Variants in SNRPN observed in about 807,000 individuals in gnomAD.
The protein encoded by SNRPN is small nuclear ribonucleoprotein polypeptide N.
A neutral mutation model predicts 25.2 loss-of-function variants in SNRPN; 7 were observed. The ratio of observed to expected loss-of-function variants is 0.28; its 90% CI spans 0.16 to 0.52. SNRPN has a LOEUF of 0.52. Among genes scored for constraint, SNRPN ranks in the 20% least tolerant of loss-of-function variants. The pLI, the probability that SNRPN is intolerant of heterozygous loss-of-function variation, is 0.96. For synonymous variants in SNRPN, 124 were observed against 110.6 expected (o/e 1.12, Z -0.76); for missense variants, 196 against 322.5 (o/e 0.61, Z 3.00).
chr15:24,978,678 C>CA lies in SNRPN; in HGVS notation c.*235dup, dbSNP rs1596357230. On this transcript the variant is annotated 3_prime_UTR_variant, in exon 10 of 10. Coordinates refer to ENST00000390687, the MANE Select transcript of SNRPN (RefSeq NM_003097.6). ...TGCCTATTAAGCAGTTGATTCAAAT[C>CA]ATATTCTCTTTAATTCTTAGGATAA... The CA allele has an allele frequency of 1.8e-6, 1 of 564,534 alleles. No homozygotes were observed. The highest frequency in any genetic ancestry group is 2.9e-5 in the East Asian group (1 of 34,518). The allele number at this position is 564,534 out of a possible 1,614,324, so 35.0% of individuals were successfully genotyped here. A position where few individuals can be genotyped will look rare whatever the true frequency, so the allele number is the denominator to read the frequency against.
At chr15:24,828,516 C>A (rs1425290300) in intron 1 of SNRPN, among the ~76,000 whole-genome samples, 1 of 151,990 alleles carries the variant, frequency 6.6e-6, no homozygotes, top group Non-Finnish European at 1.5e-5. Context: ...CACTGCACTC[C>A]AGCCTGGGCG....
At chr15:24,882,585 G>C (rs990803100) in intron 1 of SNRPN, among the ~76,000 whole-genome samples, 1 of 151,984 alleles carries the variant, frequency 6.6e-6, no homozygotes, top group African/African-American at 2.4e-5. Flanking sequence ...CCAGCACTTT[G>C]GGAGGCTGAG....
intron 2 of SNRPN, chr15:24,850,627 A>G (rs2052732812): frequency 1.3e-5 from 2 of 152,368 alleles, no homozygotes; most frequent in East Asian, 1.9e-4. Flanking sequence ...AGGGAGCTCT[A>G]TTAATGGAGC....
At chr15:24,939,514 C>A (rs1253668270) in intron 3 of SNRPN, among the ~76,000 whole-genome samples, 1 of 152,146 alleles carries the variant, frequency 6.6e-6, no homozygotes, top group African/African-American at 2.4e-5. Flanking sequence ...CTCACTGCAA[C>A]CTCCGTCTCC....
At chr15:24,907,077 C>T (rs764941751) in intron 2 of SNRPN, among the ~76,000 whole-genome samples, 6 of 151,992 alleles carry the variant, frequency 3.9e-5, no homozygotes, top group Non-Finnish European at 7.4e-5. Flanking sequence ...GTTGGCAAAG[C>T]ATATCGTAAG....
rs376058438 is a variant in SNRPN at position 24,978,457 on chromosome 15, C to G, written c.*13C>G. ...ACCAAGACCTTAGCATACTGTTGAT[C>G]CATCTCAGTCACTTTTTCCCCTGCA... On this transcript the variant is annotated 3_prime_UTR_variant, in exon 10 of 10. Coordinates refer to ENST00000390687, the MANE Select transcript of SNRPN (RefSeq NM_003097.6). The G allele has an allele frequency of 6.2e-7, 1 of 1,611,560 alleles. No individual in the cohort carries two copies. The highest frequency in any genetic ancestry group is 1.1e-5 in the South Asian group (1 of 90,998).
chr15:24,904,833 C>T (rs903823571), intron 2 of SNRPN, among the ~76,000 whole-genome samples: 2 of 151,328 alleles, frequency 1.3e-5, no homozygotes, highest in Admixed American at 1.3e-4. Flanking sequence ...GCATCAGCTA[C>T]TCTTGAGGCT....
chr15:24,837,642 T>C (rs2051327588), intron 2 of SNRPN, among the ~76,000 whole-genome samples: 1 of 151,990 alleles, frequency 6.6e-6, no homozygotes, highest in Non-Finnish European at 1.5e-5. Context: ...GTGCTGGGAT[T>C]ACAGGCGTGA....
At chr15:24,968,609 A>G (rs2153590170) in intron 3 of SNRPN, among the ~76,000 whole-genome samples, 1 of 152,302 alleles carries the variant, frequency 6.6e-6, no homozygotes, top group African/African-American at 2.4e-5. Context: ...GTTACAACAT[A>G]CTTTCACAGC....
rs2052387948 is a variant in SNRPN at position 24,848,215 on chromosome 15, G to A, written c.-579+18310G>A. The A allele has an allele frequency of 4.3e-5, 6 of 140,320 alleles. No individual in the cohort carries two copies. The South Asian group carries it at 1.2e-3, about 27-fold the overall frequency. 8.7% of individuals were successfully genotyped at this position (140,320 alleles called of 1,614,324 possible). A position where few individuals can be genotyped will look rare whatever the true frequency, so the allele number is the denominator to read the frequency against. ...TGGGAAGGTCACAGGACGGAGCTGGGGGGCGGGGGCGGCGGTGGGGGCGGG... is the reference window on the plus strand; with the variant it reads ...TGGGAAGGTCACAGGACGGAGCTGGAGGGCGGGGGCGGCGGTGGGGGCGGG... On this transcript the variant is annotated intron_variant, in intron 2 of 12. Transcript: ENST00000400100.
chr15:24,975,443 C>T lies in SNRPN; in HGVS notation c.89C>T (p.Thr30Ile). ...ILQDGRIFIG[T>I]FKAFDKHMNL... ...CAAGATGGCCGAATCTTCATTGGCA[C>T]CTTTAAGGCTTTTGACAAGCATATG... The change falls in exon 5 of 10, where the codon ACC (threonine) becomes ATC (isoleucine). Residue 30 changes from threonine to isoleucine, a missense_variant. Coordinates refer to ENST00000390687, the MANE Select transcript of SNRPN (RefSeq NM_003097.6). 6.2e-7 allele frequency: 1 copy of T among 1,613,360 alleles called. No homozygotes were observed. Among genetic ancestry groups the T allele is most frequent in the Non-Finnish European group, 8.5e-7 (1 of 1,179,400 alleles).
chr15:24,852,824 G>A (rs571795870), upstream of SNRPN, among the ~76,000 whole-genome samples: 45 of 152,264 alleles, frequency 3.0e-4, no homozygotes, highest in Admixed American at 5.2e-4. Flanking sequence ...TACTCGGGAG[G>A]CTGAGGTGGG....
At chr15:24,835,285 C>T (rs2051065764) in intron 2 of SNRPN, among the ~76,000 whole-genome samples, 1 of 151,004 alleles carries the variant, frequency 6.6e-6, no homozygotes, top group East Asian at 1.9e-4. Context: ...GACTACATTA[C>T]TTTAGTATGT....
chr15:24,875,235 C>T (rs2055737079), intron 1 of SNRPN, among the ~76,000 whole-genome samples: 1 of 152,128 alleles, frequency 6.6e-6, no homozygotes, highest in Non-Finnish European at 1.5e-5. Context: ...GGCAATATTA[C>T]CACTCCCAAG....
chr15:24,840,818 G>A (rs973993846), intron 2 of SNRPN, among the ~76,000 whole-genome samples: 6 of 152,070 alleles, frequency 3.9e-5, no homozygotes, highest in African/African-American at 1.4e-4. Context: ...CAGCTAAACT[G>A]GGCTGTTACA....
At position 24,865,842 on chromosome 15, in the gene SNRPN, C is replaced by T. The variant is rs74005378; in HGVS notation, c.-579+9126C>T. On this transcript the variant is annotated intron_variant, in intron 1 of 11. Coordinates refer to the SNRPN transcript ENST00000400097. ...AAACTGCAAAAGAGACAGATGATAACGAGGCATGTCCCACTTCCTGTCCCA... is the reference window on the plus strand; with the variant it reads ...AAACTGCAAAAGAGACAGATGATAATGAGGCATGTCCCACTTCCTGTCCCA... Among the ~76,000 whole-genome samples, 1,313 of 152,136 alleles carry T rather than the reference C, an allele frequency of 8.6e-3. 20 individuals carry two copies. The highest frequency in any genetic ancestry group is 0.03 in the African/African-American group (1,229 of 41,506).
intron 4 of SNRPN, 168 bp downstream of exon 4, chr15:24,974,624 T>A: frequency 5.6e-6 from 4 of 712,828 alleles, no homozygotes; most frequent in Non-Finnish European, 9.9e-6. Context: ...CTGATTTTTT[T>A]ATTTTTATTT....
upstream of SNRPN, among the ~76,000 whole-genome samples, chr15:24,951,633 G>A (rs183201678): frequency 2.6e-5 from 4 of 151,566 alleles, no homozygotes; most frequent in Non-Finnish European, 4.4e-5. Context: ...TCAGCCTCCC[G>A]AGTAGCTGGG....
At chr15:24,899,010 A>C (rs28597104) in intron 2 of SNRPN, among the ~76,000 whole-genome samples, 5,332 of 152,286 alleles carry the variant, frequency 0.035, 270 homozygotes, top group East Asian at 0.19. Flanking sequence ...TTTCTTTGAA[A>C]CATATGGCTA....
Sources: allele counts gnomAD v4.1 joint callset (sites outside exome capture counted in the v4.1 genomes callset), GRCh38; gene constraint gnomAD v4.1.1; transcripts MANE v1.5; gene names NCBI Gene and HGNC (gene_info 2026-07-23, HGNC 2026-07-21).